Variants in CERS3 observed in about 807,000 individuals in gnomAD.
CERS3 encodes the protein ceramide synthase 3.
Under a neutral mutation model 50.3 loss-of-function variants are expected in CERS3, and 33 were observed. The ratio of observed to expected loss-of-function variants is 0.66; its 90% confidence interval spans 0.50 to 0.88. The LOEUF is 0.88. CERS3 is among the 40% of genes least tolerant of loss of function. The pLI is 0.00. For synonymous variants in CERS3, 176 were observed against 155.2 expected (o/e 1.13, Z -0.99); for missense variants, 470 against 460.3 (o/e 1.02, Z -0.19).
intron 11 of CERS3, among the ~76,000 whole-genome samples, chr15:100,446,731 A>G (rs1443906944): frequency 6.6e-6 from 1 of 152,194 alleles, no homozygotes; most frequent in Non-Finnish European, 1.5e-5. Context: ...TAAACCAAAA[A>G]TAAAATTCTA....
chr15:100,402,955 C>G, intron 11 of CERS3, 90 bp from the exon 12 acceptor site: 6 of 1,310,936 alleles, frequency 4.6e-6, no homozygotes, highest in Non-Finnish European at 6.2e-6. Context: ...AGTATGGCTC[C>G]CTTTAAGGAA....
At chr15:100,469,011 T>C (rs2034875844) in intron 10 of CERS3, among the ~76,000 whole-genome samples, 1 of 152,212 alleles carries the variant, frequency 6.6e-6, no homozygotes. Context: ...GCTATAATTA[T>C]TGTAACACAG....
At chr15:100,406,569 A>C (rs1403204402) in intron 11 of CERS3, among the ~76,000 whole-genome samples, 3 of 152,174 alleles carry the variant, frequency 2.0e-5, no homozygotes, top group East Asian at 1.9e-4. Context: ...AAAATGAACA[A>C]GCCTCCTTGT....
intron 2 of CERS3, among the ~76,000 whole-genome samples, chr15:100,513,556 G>C (rs80350621): frequency 1.7e-5 from 1 of 57,732 alleles, no homozygotes; most frequent in South Asian, 5.5e-4. Context: ...TTTTTTTTTT[G>C]AGATAAGATC....
intron 7 of CERS3, among the ~76,000 whole-genome samples, chr15:100,477,961 T>C (rs556667218): frequency 5.3e-5 from 8 of 152,298 alleles, no homozygotes; most frequent in African/African-American, 1.9e-4. Flanking sequence ...TGAAAGTAAG[T>C]CCTCTGTGAA....
intron 10 of CERS3, among the ~76,000 whole-genome samples, chr15:100,464,967 G>A (rs879808366): frequency 5.9e-5 from 9 of 152,220 alleles, no homozygotes; most frequent in African/African-American, 1.9e-4. Context: ...AGGGAGACTC[G>A]TTAGGAGAGT....
intron 7 of CERS3, among the ~76,000 whole-genome samples, chr15:100,478,831 T>G (rs1299450576): frequency 6.6e-6 from 1 of 151,548 alleles, no homozygotes; most frequent in East Asian, 1.9e-4. Flanking sequence ...TAATCCCAGA[T>G]GGAAACATGG....
chr15:100,525,353 C>T (rs2142396442), intron 1 of CERS3, among the ~76,000 whole-genome samples: 1 of 152,264 alleles, frequency 6.6e-6, no homozygotes, highest in Non-Finnish European at 1.5e-5. Flanking sequence ...ATAACCAGAA[C>T]CCTTTAATTT....
At chr15:100,537,746 T>A (rs73477712) in intron 1 of CERS3, among the ~76,000 whole-genome samples, 127 of 152,276 alleles carry the variant, frequency 8.3e-4, no homozygotes, top group African/African-American at 2.9e-3. Context: ...CCAAACCATA[T>A]CATCTGCCCA....
intron 11 of CERS3, among the ~76,000 whole-genome samples, chr15:100,415,909 T>G (rs1166332244): frequency 8.6e-5 from 13 of 152,008 alleles, no homozygotes; most frequent in Admixed American, 8.5e-4. Context: ...CATATACCTA[T>G]GTAGCAAACC....
At chr15:100,427,487 A>C (rs1287599598) in intron 11 of CERS3, among the ~76,000 whole-genome samples, 1 of 152,192 alleles carries the variant, frequency 6.6e-6, no homozygotes, top group Non-Finnish European at 1.5e-5. Context: ...GTGCCAGGAA[A>C]GGGTTAAAAG....
intron 11 of CERS3, among the ~76,000 whole-genome samples, chr15:100,452,375 T>C (rs2034203836): frequency 6.6e-6 from 1 of 152,112 alleles, no homozygotes; most frequent in African/African-American, 2.4e-5. Context: ...ACTGTATGAA[T>C]ACATGGAAAA....
At chr15:100,525,358 T>C (rs1473488854) in intron 1 of CERS3, among the ~76,000 whole-genome samples, 1 of 152,228 alleles carries the variant, frequency 6.6e-6, no homozygotes, top group Non-Finnish European at 1.5e-5. Context: ...CAGAACCCTT[T>C]AATTTTATAT....
intron 2 of CERS3, among the ~76,000 whole-genome samples, chr15:100,515,245 C>T (rs1036733799): frequency 1.4e-4 from 22 of 152,182 alleles, no homozygotes; most frequent in African/African-American, 4.8e-4. Context: ...AGCCATTTTA[C>T]TCACACAAAC....
chr15:100,482,222 C>T (rs1395179711), intron 5 of CERS3, among the ~76,000 whole-genome samples: 1 of 151,834 alleles, frequency 6.6e-6, no homozygotes, highest in African/African-American at 2.4e-5. Context: ...TATTTTTTTC[C>T]AGGAAAGAAT....
At chr15:100,469,540 TA>T in intron 9 of CERS3, 56 bp from the exon 10 acceptor site, 1 of 1,211,350 alleles carries the variant, frequency 8.3e-7, no homozygotes, top group Non-Finnish European at 1.2e-6. Context: ...TTTTTAAAGT[TA>T]AATTTATAAA....
intron 11 of CERS3, among the ~76,000 whole-genome samples, chr15:100,425,097 A>C (rs896383212): frequency 2.6e-5 from 4 of 152,176 alleles, no homozygotes; most frequent in African/African-American, 9.7e-5. Flanking sequence ...GATGTACGGA[A>C]ATGCCTAGAC....
intron 9 of CERS3, 106 bp downstream of exon 9, chr15:100,472,818 T>C: frequency 3.6e-6 from 5 of 1,377,174 alleles, no homozygotes; most frequent in Non-Finnish European, 5.1e-6. Flanking sequence ...ATTTGGGTGT[T>C]TTCAGGACAC....
At chr15:100,410,713 AT>A (rs1207878479) in intron 11 of CERS3, among the ~76,000 whole-genome samples, 1 of 152,208 alleles carries the variant, frequency 6.6e-6, no homozygotes, top group Non-Finnish European at 1.5e-5. Flanking sequence ...CTGGTATCAA[AT>A]TTTTTAGACA....
Sources: allele counts gnomAD v4.1 joint callset (sites outside exome capture counted in the v4.1 genomes callset), GRCh38; gene constraint gnomAD v4.1.1; transcripts MANE v1.5; gene names NCBI Gene and HGNC (gene_info 2026-07-23, HGNC 2026-07-21).